Variants in ITGA1 observed in about 807,000 individuals in gnomAD.
ITGA1 encodes the protein integrin alpha-1.
A neutral mutation model predicts 145.9 loss-of-function variants in ITGA1; 85 were observed. The ratio of observed to expected loss-of-function variants is 0.58; its 90% CI spans 0.49 to 0.70. The LOEUF is 0.70. ITGA1 is among the 30% of genes least tolerant of loss of function. ITGA1 has a pLI of 0.00. For synonymous variants in ITGA1, 520 were observed against 495.3 expected (o/e 1.05, Z -0.66); for missense variants, 1,351 against 1,418.7 (o/e 0.95, Z 0.77).
intron 19 of ITGA1, among the ~76,000 whole-genome samples, chr5:52,926,678 G>A (rs2934216): frequency 0.73 from 110,686 of 151,784 alleles, 40,823 homozygotes; most frequent in African/African-American, 0.8. Flanking sequence ...TATTACCACA[G>A]AATTTTTCTC....
chr5:52,810,538 A>G (rs1472588201), intron 1 of ITGA1, among the ~76,000 whole-genome samples: 1 of 152,218 alleles, frequency 6.6e-6, no homozygotes, highest in Admixed American at 6.5e-5. Flanking sequence ...ATGAGGAGGA[A>G]TGAACTCTGG....
rs190678790 is a variant in ITGA1, at chr5:52,855,877, T to G, written c.183-5570T>G. Among the ~76,000 whole-genome samples, 521 of 152,222 alleles carry G rather than the reference T, an allele frequency of 3.4e-3. 3 individuals carry two copies. Among genetic ancestry groups the G allele is most frequent in the Non-Finnish European group, 5.7e-3 (388 of 68,016 alleles). On this transcript the variant is annotated intron_variant, in intron 2 of 28. Transcript: ENST00000282588. Reference sequence around the variant, plus strand: ...CAGATACTAGGAAAATACAGAAAATTAGCAGTCCTATGATCTGCTAACCTG... The same window carrying G: ...CAGATACTAGGAAAATACAGAAAATGAGCAGTCCTATGATCTGCTAACCTG...
intron 1 of ITGA1, chr5:52,801,893 C>T (rs1240358044): frequency 1.5e-6 from 2 of 1,309,504 alleles, no homozygotes; most frequent in Non-Finnish European, 2.1e-6. Context: ...TGTTACAGTA[C>T]ATTTCTCAGC....
At chr5:52,926,912 C>A (rs919498844) in intron 19 of ITGA1, among the ~76,000 whole-genome samples, 1 of 152,090 alleles carries the variant, frequency 6.6e-6, no homozygotes, top group Non-Finnish European at 1.5e-5. Flanking sequence ...GACTGTACTG[C>A]AGAGATGCGA....
At chr5:52,945,628 A>G (rs998352170) in intron 27 of ITGA1, among the ~76,000 whole-genome samples, 1 of 152,090 alleles carries the variant, frequency 6.6e-6, no homozygotes, top group African/African-American at 2.4e-5. Context: ...CCCCATCTCT[A>G]AAAAAATAAA....
intron 15 of ITGA1, among the ~76,000 whole-genome samples, chr5:52,918,329 A>G (rs1334658684): frequency 1.3e-5 from 2 of 152,212 alleles, no homozygotes; most frequent in Admixed American, 6.5e-5. Context: ...ACTCACAAGG[A>G]CAGACAATAT....
At chr5:52,804,792 C>G (rs372768818) in intron 1 of ITGA1, among the ~76,000 whole-genome samples, 12 of 152,076 alleles carry the variant, frequency 7.9e-5, no homozygotes, top group African/African-American at 2.9e-4. Context: ...GTTTTCCAAG[C>G]AAGTTAAGAC....
rs1053887480 is a variant in ITGA1, at chr5:52,953,725, C to T, written c.*1274C>T. The T allele has an allele frequency of 1.3e-5, 2 of 152,146 alleles. No individual in the cohort carries two copies. The highest frequency in any genetic ancestry group is 1.3e-4 in the Admixed American group (2 of 15,272). The allele number at this position is 152,146 out of a possible 1,614,324, so 9.4% of individuals were successfully genotyped here. ...TCATTGGAATCTACTGTAGCATAAG[C>T]TCCTAGGTTGCTCCATTTCTTAGGA... On this transcript the variant is annotated 3_prime_UTR_variant, in exon 29 of 29. Coordinates refer to ENST00000282588, the MANE Select transcript of ITGA1 (RefSeq NM_181501.2).
At chr5:52,813,220 T>G (rs1374347462) in intron 1 of ITGA1, among the ~76,000 whole-genome samples, 1 of 152,178 alleles carries the variant, frequency 6.6e-6, no homozygotes, top group African/African-American at 2.4e-5. Flanking sequence ...TCCCTGAAAC[T>G]GGTTCTATAG....
At chr5:52,911,528 T>C (rs1232047149) in intron 14 of ITGA1, among the ~76,000 whole-genome samples, 1 of 122,514 alleles carries the variant, frequency 8.2e-6, no homozygotes, top group African/African-American at 3.0e-5. Flanking sequence ...TATATATATC[T>C]ATATATTAGA....
chr5:52,910,008 A>G (rs1459749429), intron 13 of ITGA1, among the ~76,000 whole-genome samples, 154 bp from the exon 14 acceptor site: 1 of 151,976 alleles, frequency 6.6e-6, no homozygotes, highest in Non-Finnish European at 1.5e-5. Context: ...CCCTAACTTT[A>G]CTCTCAGATA....
chr5:52,834,831 A>G (rs1355345720), intron 1 of ITGA1, among the ~76,000 whole-genome samples: 1 of 152,074 alleles, frequency 6.6e-6, no homozygotes, highest in Non-Finnish European at 1.5e-5. Context: ...TTACTTCCCT[A>G]AAGGCCCTAT....
chr5:52,865,192 A>G, intron 5 of ITGA1, 110 bp downstream of exon 5: 1 of 726,948 alleles, frequency 1.4e-6, no homozygotes, highest in Non-Finnish European at 2.2e-6. Flanking sequence ...CTTAGCTACC[A>G]GCATTACCAA....
intron 6 of ITGA1, among the ~76,000 whole-genome samples, chr5:52,876,487 A>G (rs966305985): frequency 2.9e-4 from 44 of 152,108 alleles, no homozygotes; most frequent in African/African-American, 1.0e-3. Context: ...AACTACATTG[A>G]ATGTCATTTC....
intron 6 of ITGA1, among the ~76,000 whole-genome samples, chr5:52,876,228 A>G (rs963670640): frequency 1.3e-4 from 20 of 152,202 alleles, no homozygotes; most frequent in Admixed American, 3.9e-4. Flanking sequence ...TTAGCCTTAA[A>G]TTATAAGCTA....
At chr5:52,866,448 G>A (rs1749689572) in intron 6 of ITGA1, among the ~76,000 whole-genome samples, 1 of 152,128 alleles carries the variant, frequency 6.6e-6, no homozygotes. Context: ...GCCACTTTTG[G>A]TAATGTCAGA....
At chr5:52,911,100 G>C (rs1369784851) in intron 14 of ITGA1, among the ~76,000 whole-genome samples, 1 of 133,374 alleles carries the variant, frequency 7.5e-6, no homozygotes, top group Non-Finnish European at 1.5e-5. Flanking sequence ...TGTATATATA[G>C]TGTATATATA....
In ITGA1 at chr5:52,865,714, T is replaced by C; in HGVS notation, c.521T>C (p.Val174Ala). The C allele has an allele frequency of 6.3e-7, 1 of 1,576,578 alleles. No homozygotes were observed. Among genetic ancestry groups the C allele is most frequent in the Non-Finnish European group, 8.6e-7 (1 of 1,167,652 alleles). The change falls in exon 6 of 29, where the codon GTC becomes GCC. Residue 174 changes from valine to alanine, a missense_variant. Val to Ala is a moderately conservative substitution (Grantham distance 64). Transcript: ENST00000282588. ...VQECSTQLDIVIVLDGSNSIY... is the reference protein window; with the variant it reads ...VQECSTQLDIAIVLDGSNSIY... ...GAATGCAGCACTCAACTGGACATAGTCATAGTGCTGGATGGTTCCAACAGT... is the reference window on the plus strand; with the variant it reads ...GAATGCAGCACTCAACTGGACATAGCCATAGTGCTGGATGGTTCCAACAGT...
At chr5:52,882,272 T>C (rs1749973136) in intron 7 of ITGA1, among the ~76,000 whole-genome samples, 1 of 152,198 alleles carries the variant, frequency 6.6e-6, no homozygotes, top group South Asian at 2.1e-4. Context: ...TATCACTGCA[T>C]CTATATTTTC....
Sources: allele counts gnomAD v4.1 joint callset (sites outside exome capture counted in the v4.1 genomes callset), GRCh38; gene constraint gnomAD v4.1.1; transcripts MANE v1.5; gene names NCBI Gene and HGNC (gene_info 2026-07-23, HGNC 2026-07-21).